The following CAD variants were observed in gnomAD, a reference collection of about 807,000 sequenced individuals.
The protein encoded by CAD is multifunctional protein CAD.
Under a neutral mutation model 237.2 loss-of-function variants are expected in CAD, and 81 were observed. The observed-to-expected ratio is 0.34, with a 90% CI of 0.29 to 0.41. The LOEUF (loss-of-function observed/expected upper bound fraction) is 0.41. Ranked by LOEUF, CAD falls within the 10% of genes least tolerant of loss-of-function variation. CAD has a pLI of 1.00. For missense variants in CAD, 2,181 were observed against 2,951.7 expected (o/e 0.74, Z 6.05); for synonymous variants, 1,196 against 1,162.8 (o/e 1.03, Z -0.58).
chr2:27,234,375 G>A, intron 22 of CAD, 143 bp from the exon 23 acceptor site: 2 of 1,120,964 alleles, frequency 1.8e-6, no homozygotes, highest in African/African-American at 1.5e-5. Flanking sequence ...AGCTCATGGT[G>A]TTGGGGCTTA....
chr2:27,242,958 C>G lies in CAD; in HGVS notation c.6465C>G (p.Thr2155=). ...TCCAGAAGGAACGATTTGGCTCTAC[C>G]CAGGAGTACGAAGCTGTGAGTGCTG... is the stretch of plus-strand genomic sequence containing the variant. ...TRIQKERFGS[T]QEYEACFGQF... Residue 2155 remains threonine (T), a synonymous_variant, in exon 42 of 44, where the codon ACC becomes ACG. Coordinates refer to ENST00000264705, the MANE Select transcript of CAD (RefSeq NM_004341.5). The surrounding 1 kb of genome is among the most constrained non-coding windows in gnomAD (Gnocchi z 6.4). 1 of 1,601,884 alleles carries G rather than the reference C, an allele frequency of 6.2e-7. No individual in the cohort carries two copies. The highest frequency in any genetic ancestry group is 8.5e-7 in the Non-Finnish European group (1 of 1,170,918).
chr2:27,219,358 T>TG (rs1553366118), intron 2 of CAD, among the ~76,000 whole-genome samples: 29 of 152,080 alleles, frequency 1.9e-4, no homozygotes, highest in African/African-American at 4.8e-4. Context: ...GTTTTTTTTT[T>TG]GGGGACAAGG....
chr2:27,243,606 T>G lies in CAD; in HGVS notation c.*88T>G. 6 of 957,056 alleles carry G rather than the reference T, an allele frequency of 6.3e-6. No individual in the cohort carries two copies. Among genetic ancestry groups the G allele is most frequent in the Non-Finnish European group, 9.7e-6 (6 of 620,770 alleles). The allele number at this position is 957,056 out of a possible 1,614,324, so 59.3% of individuals were successfully genotyped here. A position where few individuals can be genotyped will look rare whatever the true frequency, so the allele number is the denominator to read the frequency against. On this transcript the variant is annotated 3_prime_UTR_variant, in exon 44 of 44. Transcript: ENST00000264705. ...CCTACGGGGGCAGCACACTTAGATA[T>G]TCCTGGACATCCAGATAGCTCACAT...
rs758091396 is a variant in CAD, at chr2:27,243,268, C to G, written c.6551C>G (p.Pro2184Arg). ...AAGAAGAAGATGGTGGTGATGCACC[C>G]GATGCCCCGTGTCAACGAGATAAGG... is the stretch of plus-strand genomic sequence containing the variant. ...RAKKKMVVMH[P>R]MPRVNEISVE... The change falls in exon 43 of 44, where the codon CCG (proline) becomes CGG (arginine). Residue 2184 changes from proline (P) to arginine (R), a missense_variant. Transcript: ENST00000264705. The G allele has an allele frequency of 6.2e-7, 1 of 1,613,906 alleles. No homozygotes were observed. Among genetic ancestry groups the G allele is most frequent in the Non-Finnish European group, 8.5e-7 (1 of 1,180,000 alleles).
chr2:27,231,330 A>T, intron 15 of CAD, 138 bp from the exon 16 acceptor site: 1 of 622,146 alleles, frequency 1.6e-6, no homozygotes, highest in South Asian at 1.9e-5. Context: ...GTTGTGAAAC[A>T]CCATGAATCC....
chr2:27,230,543 T>C (rs1675694669), intron 15 of CAD, among the ~76,000 whole-genome samples: 1 of 151,996 alleles, frequency 6.6e-6, no homozygotes, highest in African/African-American at 2.4e-5. Context: ...GGAGAATCTC[T>C]TGAACCCAGG....
intron 2 of CAD, among the ~76,000 whole-genome samples, chr2:27,219,461 AC>A (rs942564361): frequency 6.7e-6 from 1 of 149,718 alleles, no homozygotes; most frequent in African/African-American, 2.5e-5. Flanking sequence ...TCCCACCTCA[AC>A]CCCCCAAGTA....
intron 11 of CAD, 125 bp from the exon 12 acceptor site, chr2:27,225,580 G>A: frequency 1.4e-6 from 1 of 706,280 alleles, no homozygotes; most frequent in Non-Finnish European, 2.3e-6. Context: ...CCAAATTGCT[G>A]GGGTTACAGG....
rs1165441079 is a variant in CAD, at chr2:27,224,500, G to A, written c.1254+10G>A. 6.2e-7 allele frequency: 1 copy of A among 1,613,322 alleles called. No individual in the cohort carries two copies. Among genetic ancestry groups the A allele is most frequent in the South Asian group, 1.1e-5 (1 of 91,016 alleles). ...CTACTCGGGCTCTCAGGTGAGGCAT[G>A]TTCCTCCCCACCCTTCTGGGCGTGT... On this transcript the variant is annotated intron_variant, in intron 9 of 43. Coordinates refer to ENST00000264705, the MANE Select transcript of CAD (RefSeq NM_004341.5).
rs754590127 is a variant in CAD at position 27,222,146 on chromosome 2, T to C, written c.353-48T>C. 7 of 1,579,912 alleles carry C rather than the reference T, an allele frequency of 4.4e-6. No homozygotes were observed. The South Asian group carries it at 6.7e-5, about 15-fold the overall frequency. On this transcript the variant is annotated intron_variant, in intron 3 of 43. Coordinates refer to ENST00000264705, the MANE Select transcript of CAD (RefSeq NM_004341.5). Reference sequence around the variant, plus strand: ...GCTTCTGGAAGTCTAACCTCACAGATGACTGAGTTGTAGGAATGTGATCCC... The same window carrying C: ...GCTTCTGGAAGTCTAACCTCACAGACGACTGAGTTGTAGGAATGTGATCCC...
In CAD at chr2:27,233,291, G is replaced by A; in HGVS notation, c.2992-21G>A. ...CTGCCCTCTTTTGCTGCCACCACTTGTTTCTCCCCCTGCAACGTAGGTGGT... is the reference window on the plus strand; with the variant it reads ...CTGCCCTCTTTTGCTGCCACCACTTATTTCTCCCCCTGCAACGTAGGTGGT... On this transcript the variant is annotated intron_variant, in intron 19 of 43. Transcript: ENST00000264705. This position sits in a 1 kb window ranked among gnomAD's most constrained non-coding sequence, Gnocchi z 6.3. The A allele has an allele frequency of 6.2e-7, 1 of 1,605,114 alleles. No individual in the cohort carries two copies. The highest frequency in any genetic ancestry group is 8.5e-7 in the Non-Finnish European group (1 of 1,171,914).
In CAD at chr2:27,238,587, C is replaced by T. The variant is rs779553065; in HGVS notation, c.5017C>T (p.Leu1673=). The change falls in exon 31 of 44, where the codon CTG becomes TTG. Residue 1673 remains leucine (L), a synonymous_variant. Transcript: ENST00000264705. ...TGGCTCCCGCCAGGATGTGGAAGCC[C>T]TGTGGGAGAACATGGCTGTCATCGA... ...ELGSRQDVEA[L]WENMAVIDCF... The T allele has an allele frequency of 1.2e-6, 2 of 1,613,964 alleles. No homozygotes were observed. Among genetic ancestry groups the T allele is most frequent in the African/African-American group, 2.7e-5 (2 of 75,060 alleles).
chr2:27,224,139 G>A, intron 8 of CAD, 110 bp downstream of exon 8: 4 of 948,776 alleles, frequency 4.2e-6, no homozygotes, highest in East Asian at 2.4e-5. Context: ...GAGGTTAAGG[G>A]TATTGGGGAT....
At position 27,233,775 on chromosome 2, in the gene CAD, C is replaced by A; in HGVS notation, c.3366C>A (p.Pro1122=). The A allele has an allele frequency of 6.2e-7, 1 of 1,614,082 alleles. No homozygotes were observed. Among genetic ancestry groups the A allele is most frequent in the Non-Finnish European group, 8.5e-7 (1 of 1,180,050 alleles). ...CAGCAGCCGTCTCCAAAGAGCATCC[C>A]GTGGTCATCTCCAAGTTCATCCAGG... ...SSAAAVSKEH[P]VVISKFIQEA... Residue 1122 remains proline (P), a synonymous_variant, in exon 21 of 44, where the codon CCC becomes CCA. Transcript: ENST00000264705. The surrounding 1 kb of genome is among the most constrained non-coding windows in gnomAD (Gnocchi z 6.3).
Position 27,235,762 on chromosome 2 carries a change from G to C in CAD, c.4074+122G>C. 2.6e-6 allele frequency: 2 copies of C among 761,468 alleles called. No homozygotes were observed. The highest frequency in any genetic ancestry group is 3.5e-5 in the South Asian group (2 of 56,546). 47.2% of individuals were successfully genotyped at this position (761,468 alleles called of 1,614,324 possible). On this transcript the variant is annotated intron_variant, in intron 25 of 43. Transcript: ENST00000264705. This position sits in a 1 kb window ranked among gnomAD's most constrained non-coding sequence, Gnocchi z 5.2. ...TACCTGTAGTCCCAGATACTCAGGA[G>C]GCTAAGGCAGGAGAATCTCTTGAGC...
chr2:27,240,804 G>A lies in CAD; in HGVS notation c.5594-107G>A, dbSNP rs764042271. On this transcript the variant is annotated intron_variant, in intron 35 of 43. Transcript: ENST00000264705. This position sits in a 1 kb window ranked among gnomAD's most constrained non-coding sequence, Gnocchi z 4.6. ...CCCTAACCTGCTATATTACTGTGTT[G>A]TGAATTGGTTTAACATATACACTGT... 1 of 1,319,930 alleles carries A rather than the reference G, an allele frequency of 7.6e-7. No individual in the cohort carries two copies. The highest frequency in any genetic ancestry group is 1.1e-6 in the Non-Finnish European group (1 of 929,434). 81.8% of individuals were successfully genotyped at this position (1,319,930 alleles called of 1,614,324 possible). A position where few individuals can be genotyped will look rare whatever the true frequency, so the allele number is the denominator to read the frequency against.
chr2:27,217,743 C>A, intron 1 of CAD, 110 bp downstream of exon 1: 1 of 1,430,900 alleles, frequency 7.0e-7, no homozygotes, highest in Non-Finnish European at 9.5e-7. Context: ...ACCCCCTTCC[C>A]CCATTCGGTG....
chr2:27,224,966 A>G lies in CAD; in HGVS notation c.1387-44A>G, dbSNP rs1302540281. ...GTTATTAAACTTTGATTGCCTCTCT[A>G]CCCACAAGGTTCTGATGCCTGTAAC... On this transcript the variant is annotated intron_variant, in intron 10 of 43. Coordinates refer to ENST00000264705, the MANE Select transcript of CAD (RefSeq NM_004341.5). 3 of 1,607,388 alleles carry G rather than the reference A, an allele frequency of 1.9e-6. No individual in the cohort carries two copies. In the South Asian group the frequency reaches 3.3e-5, roughly 18 times the overall value.
intron 15 of CAD, among the ~76,000 whole-genome samples, chr2:27,228,209 A>G (rs1675537984): frequency 2.0e-5 from 3 of 152,248 alleles, no homozygotes; most frequent in Admixed American, 2.0e-4. Context: ...GAAGAAATCA[A>G]TAAGCAAACC....
Sources: allele counts gnomAD v4.1 joint callset (sites outside exome capture counted in the v4.1 genomes callset), GRCh38; gene constraint gnomAD v4.1.1; non-coding constraint Gnocchi (gnomAD v3.1); transcripts MANE v1.5; gene names NCBI Gene and HGNC (gene_info 2026-07-23, HGNC 2026-07-21).